The following NLRP3 variants were observed in gnomAD, a reference collection of about 807,000 sequenced individuals.
The protein encoded by NLRP3 is NLR family pyrin domain containing 3.
In NLRP3, 48 loss-of-function variants were observed where a neutral mutation model predicts 91.3. That is an observed-to-expected ratio of 0.53 (90% CI 0.42 to 0.67). NLRP3 has a LOEUF of 0.67. Ranked by LOEUF, NLRP3 falls within the 30% of genes least tolerant of loss-of-function variation. The pLI is 0.00. For missense variants in NLRP3, 982 were observed against 1,276.9 expected (o/e 0.77, Z 3.52); for synonymous variants, 561 against 507.9 (o/e 1.10, Z -1.41).
intron 7 of NLRP3, among the ~76,000 whole-genome samples, chr1:247,442,598 G>A (rs1216978190): frequency 6.6e-6 from 1 of 152,202 alleles, no homozygotes; most frequent in Non-Finnish European, 1.5e-5. Context: ...GGGCAGTGGG[G>A]AGAAGATGAG....
chr1:247,425,077 A>T lies in NLRP3; in HGVS notation c.1628A>T (p.Asn543Ile). The T allele has an allele frequency of 1.2e-6, 2 of 1,614,162 alleles. No individual in the cohort carries two copies. Among genetic ancestry groups the T allele is most frequent in the Non-Finnish European group, 1.7e-6 (2 of 1,180,014 alleles). Residue 543 changes from asparagine to isoleucine, a missense_variant, in exon 4 of 10, where the codon AAC becomes ATC. Coordinates refer to ENST00000336119, the MANE Select transcript of NLRP3 (RefSeq NM_001243133.2). This position sits in a 1 kb window ranked among gnomAD's most constrained non-coding sequence, Gnocchi z 4.1. ...LLEEEKEGRT[N>I]VPGSRLKLPS... ...GAAGAGGAAAAGGAAGGAAGGACGAACGTTCCAGGGAGTCGTTTGAAGCTT... is the reference window on the plus strand; with the variant it reads ...GAAGAGGAAAAGGAAGGAAGGACGATCGTTCCAGGGAGTCGTTTGAAGCTT...
At chr1:247,436,349 G>T (rs1663791537) in intron 7 of NLRP3, among the ~76,000 whole-genome samples, 1 of 152,142 alleles carries the variant, frequency 6.6e-6, no homozygotes. Context: ...TATAGAACTA[G>T]AGTTTCTTAG....
At chr1:247,423,790 G>A in intron 3 of NLRP3, 57 bp from the exon 4 acceptor site, 1 of 1,463,232 alleles carries the variant, frequency 6.8e-7, no homozygotes, top group South Asian at 1.2e-5. Context: ...CCAGCTGAGA[G>A]CGCATCTCAG....
chr1:247,445,560 A>G (rs978693703), intron 9 of NLRP3, among the ~76,000 whole-genome samples: 6 of 152,136 alleles, frequency 3.9e-5, no homozygotes, highest in African/African-American at 1.4e-4. Context: ...GGGAAATTAC[A>G]CGAAATTCGA....
chr1:247,432,178 C>T (rs747691370), intron 5 of NLRP3, among the ~76,000 whole-genome samples: 10 of 152,330 alleles, frequency 6.6e-5, no homozygotes, highest in South Asian at 2.1e-4. Flanking sequence ...CCACCGTGCC[C>T]GGCCTTAGTG....
intron 4 of NLRP3, among the ~76,000 whole-genome samples, chr1:247,426,802 G>A (rs1320841740): frequency 1.3e-5 from 2 of 152,314 alleles, no homozygotes; most frequent in Admixed American, 1.3e-4. Context: ...GTTCACCAGC[G>A]GGGCACGGGT....
At chr1:247,426,324 G>A (rs964528456) in intron 4 of NLRP3, among the ~76,000 whole-genome samples, 5 of 152,204 alleles carry the variant, frequency 3.3e-5, no homozygotes, top group African/African-American at 9.6e-5. Flanking sequence ...ACACTTGCTG[G>A]GTGGTTGGAA....
At chr1:247,448,268 CTTTT>C (rs58966539) in intron 9 of NLRP3, 133 bp from the exon 10 acceptor site, 5,887 of 353,902 alleles carry the variant, frequency 0.017, no homozygotes, top group Middle Eastern at 0.021. Context: ...TGTGGTCCCT[CTTTT>C]TTTTTTTTTT....
intron 7 of NLRP3, among the ~76,000 whole-genome samples, chr1:247,438,438 C>T (rs1376547166): frequency 8.0e-6 from 1 of 125,448 alleles, no homozygotes; most frequent in Non-Finnish European, 1.6e-5. Context: ...GGCTAAAATG[C>T]AGTGGCGCAA....
Position 247,423,365 on chromosome 1 carries a change from G to T in NLRP3, c.397+16G>T. 6.2e-7 allele frequency: 1 copy of T among 1,613,734 alleles called. No individual in the cohort carries two copies. Among genetic ancestry groups the T allele is most frequent in the South Asian group, 1.1e-5 (1 of 90,992 alleles). ...ATGAAGAAAGGTAAGCGACTGGGGTGGTGCTTCTAGTTGAGTTTTAAGACC... is the reference window on the plus strand; with the variant it reads ...ATGAAGAAAGGTAAGCGACTGGGGTTGTGCTTCTAGTTGAGTTTTAAGACC... On this transcript the variant is annotated intron_variant, in intron 3 of 9. Coordinates refer to ENST00000336119, the MANE Select transcript of NLRP3 (RefSeq NM_001243133.2).
intron 9 of NLRP3, among the ~76,000 whole-genome samples, chr1:247,447,388 T>C (rs2103254182): frequency 6.6e-6 from 1 of 152,322 alleles, no homozygotes; most frequent in African/African-American, 2.4e-5. Flanking sequence ...CATCTAACTC[T>C]AACTACTTCC....
intron 7 of NLRP3, among the ~76,000 whole-genome samples, chr1:247,443,695 G>T (rs1323549493): frequency 6.8e-6 from 1 of 146,872 alleles, no homozygotes; most frequent in Non-Finnish European, 1.5e-5. Flanking sequence ...AAAGCTGTGT[G>T]AGGAGGAGGA....
rs1663534783 is a variant in NLRP3, at chr1:247,433,772, TGTCCTGATGC to T, written c.2322-330_2322-321del. The stretch of plus-strand genomic sequence containing the variant: ...TATTCCGGAGCTCTCTGGTCAGGTG[TGTCCTGATGC>T]ATTCTCTATTCCAGAGCTCTCTGGT... On this transcript the variant is annotated intron_variant, in intron 5 of 9. Transcript: ENST00000336119. Among the ~76,000 whole-genome samples the T allele has an allele frequency of 1.5e-5, 2 of 134,844 alleles. 1 individual carries two copies. The highest frequency in any genetic ancestry group is 5.4e-5 in the African/African-American group (2 of 36,992). 88.5% of individuals were successfully genotyped at this position (134,844 alleles called of 152,430 possible).
At chr1:247,417,609 G>A (rs1233837305) in intron 1 of NLRP3, among the ~76,000 whole-genome samples, 2 of 152,098 alleles carry the variant, frequency 1.3e-5, no homozygotes, top group Non-Finnish European at 2.9e-5. Context: ...AGCCTCCCGA[G>A]TAGCTGGGAT....
Position 247,418,353 on chromosome 1 carries a change from G to A in NLRP3, c.-448G>A. On this transcript the variant is annotated 5_prime_UTR_variant, in exon 2 of 10. In the 5' UTR this introduces an upstream ATG that the reference lacks. Transcript: ENST00000336119. ...GTCTTGCTGTGTCGCCTAGGCTGGA[G>A]TGCAGTGGCGTGATCTTGGCTCACT... The A allele has an allele frequency of 4.0e-6, 1 of 248,636 alleles. No homozygotes were observed. The allele number at this position is 248,636 out of a possible 1,614,324, so 15.4% of individuals were successfully genotyped here. A position where few individuals can be genotyped will look rare whatever the true frequency, so the allele number is the denominator to read the frequency against.
At chr1:247,419,117 G>A in intron 2 of NLRP3, 40 bp downstream of exon 2, 1 of 1,562,098 alleles carries the variant, frequency 6.4e-7, no homozygotes. Flanking sequence ...TTGTGGCCAA[G>A]TGCACATAGT....
intron 9 of NLRP3, among the ~76,000 whole-genome samples, chr1:247,445,591 A>G (rs1363013243): frequency 6.6e-6 from 1 of 152,202 alleles, no homozygotes; most frequent in African/African-American, 2.4e-5. Flanking sequence ...GGATATTGCC[A>G]GCCCACCTCT....
At chr1:247,420,609 C>T (rs139147400) in intron 2 of NLRP3, among the ~76,000 whole-genome samples, 79 of 152,162 alleles carry the variant, frequency 5.2e-4, no homozygotes, top group African/African-American at 1.9e-3. Flanking sequence ...CCCAGCTACT[C>T]AGGAGGCTGA....
At chr1:247,434,400 G>A in intron 6 of NLRP3, 127 bp downstream of exon 6, 1 of 953,808 alleles carries the variant, frequency 1.0e-6, no homozygotes, top group South Asian at 1.3e-5. Context: ...GACTGCGTGT[G>A]CTTGTCTTGG....
Sources: gnomAD v4.1 joint callset for allele counts (sites outside exome capture counted in the v4.1 genomes callset) on GRCh38, gnomAD v4.1.1 for gene constraint, Gnocchi (gnomAD v3.1) non-coding constraint, MANE v1.5 for transcripts, NCBI Gene and HGNC (gene_info 2026-07-23, HGNC 2026-07-21) for gene names.